GPC3: variants seen among roughly 807,000 people sequenced by gnomAD.
GPC3 encodes the protein glypican 3, also known as glypican-3.
A neutral mutation model predicts 34.4 loss-of-function variants in GPC3; 3 were observed. The observed-to-expected ratio is 0.09, with a 90% CI of 0.04 to 0.23. The LOEUF is 0.23. Ranked by LOEUF, GPC3 falls within the 10% of genes least tolerant of loss-of-function variation. GPC3 has a pLI of 1.00. For missense variants in GPC3, 351 were observed against 445.6 expected (o/e 0.79, Z 1.91); for synonymous variants, 177 against 174.0 (o/e 1.02, Z -0.13).
intron 3 of GPC3, among the ~76,000 whole-genome samples, chrX:133,747,002 A>G (rs1230805321): frequency 8.9e-6 from 1 of 111,895 alleles, no homozygotes; most frequent in African/African-American, 3.2e-5. Flanking sequence ...ATTATTATTG[A>G]GGATCAACAG....
intron 2 of GPC3, among the ~76,000 whole-genome samples, chrX:133,758,642 T>C (rs183940377): frequency 9.0e-6 from 1 of 110,728 alleles, no homozygotes; most frequent in Non-Finnish European, 1.9e-5. Context: ...TAAATCACCA[T>C]GGCACACGTT....
At chrX:133,820,135 C>T (rs2075712158) in intron 2 of GPC3, among the ~76,000 whole-genome samples, 1 of 111,829 alleles carries the variant, frequency 8.9e-6, no homozygotes, top group Non-Finnish European at 1.9e-5. Flanking sequence ...AGAAACCAAA[C>T]ATGGAAACCT....
chrX:133,638,664 A>C (rs764435360), intron 6 of GPC3, among the ~76,000 whole-genome samples: 1 of 111,159 alleles, frequency 9.0e-6, no homozygotes, highest in East Asian at 2.8e-4. Context: ...GCTGAGTTCT[A>C]ATATTGTTCC....
chrX:133,543,152 C>T (rs968362957), intron 7 of GPC3, among the ~76,000 whole-genome samples: 55 of 110,516 alleles, frequency 5.0e-4, no homozygotes, highest in African/African-American at 1.6e-3. Flanking sequence ...ACAGTCTCGC[C>T]GTGTCACCCA....
intron 2 of GPC3, among the ~76,000 whole-genome samples, chrX:133,919,354 A>C (rs981628890): frequency 8.9e-6 from 1 of 112,277 alleles, no homozygotes; most frequent in Non-Finnish European, 1.9e-5. Context: ...GTATATGTAA[A>C]TATAAAAACA....
At chrX:133,873,703 G>A (rs1427995937) in intron 2 of GPC3, among the ~76,000 whole-genome samples, 1 of 111,335 alleles carries the variant, frequency 9.0e-6, no homozygotes, top group Non-Finnish European at 1.9e-5. Flanking sequence ...TTGGCAGGGT[G>A]AACTGAATTT....
At chrX:133,560,889 T>C (rs778398497) in intron 7 of GPC3, among the ~76,000 whole-genome samples, 8 of 112,140 alleles carry the variant, frequency 7.1e-5, no homozygotes, top group East Asian at 2.8e-4. Flanking sequence ...ATGAACACAA[T>C]TAAAAGCCAG....
chrX:133,799,542 C>T (rs776641191), intron 2 of GPC3, among the ~76,000 whole-genome samples: 2 of 111,674 alleles, frequency 1.8e-5, no homozygotes, highest in South Asian at 3.8e-4. Context: ...TCATATTCAT[C>T]TTTCTAAATC....
chrX:133,835,508 A>G (rs144243998), intron 2 of GPC3, among the ~76,000 whole-genome samples: 67 of 112,262 alleles, frequency 6.0e-4, no homozygotes, highest in African/African-American at 2.1e-3. Context: ...CCAAAATTGC[A>G]TAAAAACTAT....
intron 4 of GPC3, among the ~76,000 whole-genome samples, chrX:133,694,156 A>G (rs955245105): frequency 9.0e-6 from 1 of 111,072 alleles, no homozygotes; most frequent in African/African-American, 3.3e-5. Context: ...AAACTAGGAC[A>G]ATTACCATAA....
intron 2 of GPC3, among the ~76,000 whole-genome samples, chrX:133,916,667 C>G (rs2076226531): frequency 9.0e-6 from 1 of 110,828 alleles, no homozygotes; most frequent in Non-Finnish European, 1.9e-5. Context: ...TCACTGGAGC[C>G]CAGAAGTTCA....
At chrX:133,672,819 T>A (rs1315660482) in intron 5 of GPC3, among the ~76,000 whole-genome samples, 4 of 103,837 alleles carry the variant, frequency 3.9e-5, no homozygotes, top group African/African-American at 1.4e-4. Flanking sequence ...CCTGGCTAAT[T>A]TTTTGTATTT....
At chrX:133,867,730 C>A (rs1373849765) in intron 2 of GPC3, among the ~76,000 whole-genome samples, 1 of 107,826 alleles carries the variant, frequency 9.3e-6, no homozygotes, top group Non-Finnish European at 1.9e-5. Flanking sequence ...CCAGCATACC[C>A]CCGTCTTGTA....
intron 3 of GPC3, among the ~76,000 whole-genome samples, chrX:133,707,750 T>C (rs952316170): frequency 9.0e-6 from 1 of 111,237 alleles, no homozygotes; most frequent in African/African-American, 3.3e-5. Context: ...GAGATAATTT[T>C]TTAATGGGGG....
chrX:133,643,544 A>G, intron 6 of GPC3, among the ~76,000 whole-genome samples: 1 of 112,171 alleles, frequency 8.9e-6, no homozygotes, highest in Non-Finnish European at 1.9e-5. Context: ...ATAAAAAAAG[A>G]AATGAAAATT....
chrX:133,978,105 G>A (rs909763232), intron 1 of GPC3, among the ~76,000 whole-genome samples: 1 of 111,419 alleles, frequency 9.0e-6, no homozygotes, highest in African/African-American at 3.3e-5. Context: ...GCTAATTTTT[G>A]TATTTTTAGT....
chrX:133,772,594 G>A (rs1047455927), intron 2 of GPC3, among the ~76,000 whole-genome samples: 2 of 111,684 alleles, frequency 1.8e-5, no homozygotes, highest in Non-Finnish European at 3.8e-5. Flanking sequence ...TGGCATTACT[G>A]GAGACAGTGC....
chrX:133,663,298 G>A (rs1175916610), intron 5 of GPC3, among the ~76,000 whole-genome samples: 1 of 111,826 alleles, frequency 8.9e-6, no homozygotes, highest in African/African-American at 3.2e-5. Context: ...AATTAGCTGG[G>A]CGTTTTAGTA....
At chrX:133,834,808 T>C (rs1302823258) in intron 2 of GPC3, among the ~76,000 whole-genome samples, 2 of 112,142 alleles carry the variant, frequency 1.8e-5, no homozygotes, top group African/African-American at 3.2e-5. Flanking sequence ...AAAACTATAG[T>C]TGAAGGTGTC....
Sources: allele counts gnomAD v4.1 joint callset (sites outside exome capture counted in the v4.1 genomes callset), GRCh38; gene constraint gnomAD v4.1.1; transcripts MANE v1.5; gene names NCBI Gene and HGNC (gene_info 2026-07-23, HGNC 2026-07-21).